The following COG5 variants were observed in gnomAD, a reference collection of about 807,000 sequenced individuals.
COG5 encodes conserved oligomeric Golgi complex subunit 5.
Under a neutral mutation model 110.4 loss-of-function variants are expected in COG5, and 86 were observed. The observed-to-expected ratio is 0.78, with a 90% CI of 0.65 to 0.93. The LOEUF is 0.93. COG5 is among the 40% of genes least tolerant of loss of function. The pLI, the probability that COG5 is intolerant of heterozygous loss-of-function variation, is 0.00. For missense variants in COG5, 1,077 were observed against 987.0 expected, an observed-to-expected ratio of 1.09 and a Z score of -1.22; for synonymous variants, 360 against 334.6, an observed-to-expected ratio of 1.08 and a Z score of -0.83.
chr7:107,527,758 G>A (rs1800879483), intron 5 of COG5, among the ~76,000 whole-genome samples: 1 of 152,172 alleles, frequency 6.6e-6, no homozygotes, highest in South Asian at 2.1e-4. Context: ...TGAGACCCAA[G>A]GATTCTTTCA....
chr7:107,324,686 A>G (rs542452039), intron 10 of COG5, among the ~76,000 whole-genome samples, 165 bp from the exon 11 acceptor site: 1 of 152,184 alleles, frequency 6.6e-6, no homozygotes, highest in Non-Finnish European at 1.5e-5. Flanking sequence ...AAATACAAAG[A>G]TGATTCAAAT....
intron 3 of COG5, among the ~76,000 whole-genome samples, chr7:107,550,423 G>C (rs1802804119): frequency 6.6e-6 from 1 of 152,006 alleles, no homozygotes. Flanking sequence ...GTTTACCATT[G>C]CATTTAGAAT....
intron 12 of COG5, among the ~76,000 whole-genome samples, chr7:107,294,923 GTA>G (rs1554408053): frequency 0.016 from 1,310 of 81,982 alleles, 15 homozygotes; most frequent in South Asian, 0.028. Context: ...GTGTGTGTGT[GTA>G]TATATACACA....
At chr7:107,322,833 T>TA (rs1299071718) in intron 11 of COG5, among the ~76,000 whole-genome samples, 1 of 152,012 alleles carries the variant, frequency 6.6e-6, no homozygotes, top group Non-Finnish European at 1.5e-5. Flanking sequence ...GCAGAATGGA[T>TA]AAAAAATTGT....
intron 6 of COG5, among the ~76,000 whole-genome samples, chr7:107,414,418 C>T (rs1448630278): frequency 1.3e-5 from 2 of 152,134 alleles, no homozygotes; most frequent in Admixed American, 6.5e-5. Flanking sequence ...GAGACTAGTG[C>T]TTTTAGTGGA....
At chr7:107,331,434 C>G (rs1810232878) in intron 10 of COG5, among the ~76,000 whole-genome samples, 1 of 151,982 alleles carries the variant, frequency 6.6e-6, no homozygotes, top group Non-Finnish European at 1.5e-5. Context: ...CAGCACTGCA[C>G]TCCAGACTGG....
intron 21 of COG5, among the ~76,000 whole-genome samples, chr7:107,205,336 A>G (rs1798685793): frequency 6.6e-6 from 1 of 152,146 alleles, no homozygotes; most frequent in Non-Finnish European, 1.5e-5. Flanking sequence ...CAGCTTCATC[A>G]TCAAGCTGCT....
At chr7:107,346,229 C>T (rs1366160787) in intron 10 of COG5, among the ~76,000 whole-genome samples, 1 of 152,120 alleles carries the variant, frequency 6.6e-6, no homozygotes. Context: ...TTTCTTTAGG[C>T]CTTCCCATTA....
At chr7:107,335,426 T>C (rs991964562) in intron 10 of COG5, among the ~76,000 whole-genome samples, 1 of 152,178 alleles carries the variant, frequency 6.6e-6, no homozygotes, top group Non-Finnish European at 1.5e-5. Context: ...ACTTATGTTT[T>C]TTGTAAGCCT....
Position 107,372,598 on chromosome 7 carries a change from T to A in COG5, c.832A>T (p.Arg278Ter). The change falls in exon 8 of 22, where the codon AGA becomes TGA. Residue 278 changes from arginine (R) to a stop codon, truncating the protein, a stop_gained. Transcript: ENST00000297135. LOFTEE classifies it high-confidence loss of function. ...TAAATATAAACCACATCCATACCTC[T>A]CACAGCTGACTGGGAAGGCTGAGTC... ...VLTQPSQSAVRGGPGRSTMPT... is the reference protein window; with the variant it reads ...VLTQPSQSAV The A allele has an allele frequency of 6.2e-7, 1 of 1,613,432 alleles. No homozygotes were observed. Among genetic ancestry groups the A allele is most frequent in the Non-Finnish European group, 8.5e-7 (1 of 1,179,674 alleles).
chr7:107,257,247 C>T (rs145605444), intron 15 of COG5, among the ~76,000 whole-genome samples: 240 of 152,106 alleles, frequency 1.6e-3, no homozygotes, highest in African/African-American at 5.5e-3. Context: ...ACATTTAAAG[C>T]AGGCTAGATA....
intron 5 of COG5, among the ~76,000 whole-genome samples, chr7:107,546,174 G>C (rs1386362995): frequency 1.3e-5 from 2 of 152,136 alleles, no homozygotes; most frequent in Non-Finnish European, 1.5e-5. Context: ...AATGTCTTGA[G>C]ACAAATGACA....
chr7:107,395,916 C>T (rs747142428), intron 7 of COG5, among the ~76,000 whole-genome samples: 10 of 151,858 alleles, frequency 6.6e-5, no homozygotes, highest in East Asian at 1.9e-4. Context: ...AAAATTAGGC[C>T]GATTTTCAGG....
intron 12 of COG5, among the ~76,000 whole-genome samples, chr7:107,290,157 CAT>C (rs1236655124): frequency 5.9e-5 from 9 of 152,202 alleles, no homozygotes; most frequent in Non-Finnish European, 1.2e-4. Context: ...TCACATGTAA[CAT>C]GTGGATTCAG....
intron 10 of COG5, among the ~76,000 whole-genome samples, chr7:107,345,765 C>T (rs1266455295): frequency 1.3e-5 from 2 of 152,024 alleles, no homozygotes; most frequent in East Asian, 3.8e-4. Flanking sequence ...AAAAAATAAA[C>T]ACAAGAAATC....
intron 2 of COG5, among the ~76,000 whole-genome samples, chr7:107,556,792 C>T (rs1165022181): frequency 1.2e-4 from 18 of 149,970 alleles, no homozygotes; most frequent in Non-Finnish European, 1.6e-4. Flanking sequence ...TTTTTTGAGA[C>T]GGAGTCTTGC....
In COG5 at chr7:107,236,317, A is replaced by G. The variant is rs1277186418; in HGVS notation, c.2091+133T>C. On this transcript the variant is annotated intron_variant, in intron 18 of 21. Coordinates refer to ENST00000297135, the MANE Select transcript of COG5 (RefSeq NM_006348.5). ...AAACTCTCCCTTTTTTTTTTTAACT[A>G]TTTATGCTTAAGTGGGCTTACTTTT... is the stretch of plus-strand genomic sequence containing the variant. 5.8e-6 allele frequency: 4 copies of G among 687,682 alleles called. No homozygotes were observed. The South Asian group carries it at 6.6e-5, about 11-fold the overall frequency. The allele number at this position is 687,682 out of a possible 1,614,324, so 42.6% of individuals were successfully genotyped here.
chr7:107,446,769 A>G (rs1795028061), intron 6 of COG5, among the ~76,000 whole-genome samples: 1 of 152,106 alleles, frequency 6.6e-6, no homozygotes, highest in African/African-American at 2.4e-5. Context: ...CCACAGTCAC[A>G]CCCTGGCTGA....
At chr7:107,237,633 G>A (rs1005219298) in intron 17 of COG5, among the ~76,000 whole-genome samples, 1 of 152,204 alleles carries the variant, frequency 6.6e-6, no homozygotes, top group African/African-American at 2.4e-5. Context: ...GCTAACCAGA[G>A]GTCCGTCACT....
Sources: allele counts gnomAD v4.1 joint callset (sites outside exome capture counted in the v4.1 genomes callset), GRCh38; gene constraint gnomAD v4.1.1; transcripts MANE v1.5; gene names NCBI Gene and HGNC (gene_info 2026-07-23, HGNC 2026-07-21).